The following DCLK2 variants were observed in gnomAD, a reference collection of about 807,000 sequenced individuals.
DCLK2 encodes the protein serine/threonine-protein kinase DCLK2.
Under a neutral mutation model 78.4 loss-of-function variants are expected in DCLK2, and 31 were observed. That is an observed-to-expected ratio of 0.40 (90% CI 0.30 to 0.53). The LOEUF (loss-of-function observed/expected upper bound fraction) is 0.53, where lower values mean the gene tolerates loss of function less well. Ranked by LOEUF, DCLK2 falls within the 20% of genes least tolerant of loss-of-function variation. The pLI, the probability that DCLK2 is intolerant of heterozygous loss-of-function variation, is 0.61. For synonymous variants in DCLK2, 407 were observed against 374.9 expected, an observed-to-expected ratio of 1.09 and a Z score of -0.99; for missense variants, 872 against 973.7, an observed-to-expected ratio of 0.90 and a Z score of 1.39.
chr4:150,192,341 G>A (rs1738514446), intron 2 of DCLK2, among the ~76,000 whole-genome samples: 1 of 151,978 alleles, frequency 6.6e-6, no homozygotes, highest in Admixed American at 6.6e-5. Flanking sequence ...TTAGCTGGGT[G>A]TGGTGGCATG....
At chr4:150,182,651 A>G (rs1348486525) in intron 2 of DCLK2, among the ~76,000 whole-genome samples, 2 of 152,140 alleles carry the variant, frequency 1.3e-5, no homozygotes, top group African/African-American at 4.8e-5. Context: ...ACTTATATGT[A>G]GTAGAATATT....
chr4:150,160,296 G>C (rs1735614043), intron 2 of DCLK2, among the ~76,000 whole-genome samples: 1 of 152,212 alleles, frequency 6.6e-6, no homozygotes, highest in South Asian at 2.1e-4. Flanking sequence ...GAGACTGCAA[G>C]TGTGAGCCAC....
At chr4:150,212,267 T>C (rs1420980407) in intron 5 of DCLK2, among the ~76,000 whole-genome samples, 1 of 152,204 alleles carries the variant, frequency 6.6e-6, no homozygotes, top group Non-Finnish European at 1.5e-5. Flanking sequence ...CTGCTGGTGG[T>C]GAAAGATTTT....
chr4:150,160,581 G>T (rs1735634677), intron 2 of DCLK2, among the ~76,000 whole-genome samples: 1 of 152,184 alleles, frequency 6.6e-6, no homozygotes, highest in Admixed American at 6.5e-5. Context: ...TGAGGAAATG[G>T]CAGTATTAAA....
At chr4:150,192,953 C>A (rs543586652) in intron 2 of DCLK2, among the ~76,000 whole-genome samples, 185 bp from the exon 3 acceptor site, 4 of 152,250 alleles carry the variant, frequency 2.6e-5, no homozygotes, top group African/African-American at 9.6e-5. Flanking sequence ...CTCTGTTGTT[C>A]TGAGGTTGAG....
intron 12 of DCLK2, among the ~76,000 whole-genome samples, chr4:150,240,688 AT>A (rs1351830544): frequency 6.6e-6 from 1 of 151,142 alleles, no homozygotes; most frequent in African/African-American, 2.4e-5. Context: ...AGCATGGCAC[AT>A]GTATACATAT....
At chr4:150,254,586 T>C in intron 15 of DCLK2, 1 of 398,042 alleles carries the variant, frequency 2.5e-6, no homozygotes, top group Non-Finnish European at 4.4e-6. Flanking sequence ...GCTGGCTCTC[T>C]GCTTCCCATG....
chr4:150,079,550 G>T, intron 1 of DCLK2, 102 bp downstream of exon 1: 4 of 1,201,704 alleles, frequency 3.3e-6, no homozygotes, highest in Non-Finnish European at 1.1e-6. Context: ...TTTCCAAGCC[G>T]CACGGGAATT....
At chr4:150,082,202 C>T (rs1457401659) in intron 1 of DCLK2, among the ~76,000 whole-genome samples, 2 of 152,106 alleles carry the variant, frequency 1.3e-5, no homozygotes, top group African/African-American at 4.8e-5. Context: ...TCAAAATTGA[C>T]TGCTTTATTT....
At chr4:150,159,441 G>T (rs570876144) in intron 2 of DCLK2, among the ~76,000 whole-genome samples, 179 of 152,302 alleles carry the variant, frequency 1.2e-3, no homozygotes, top group Non-Finnish European at 1.4e-3. Flanking sequence ...CCTAATCCCT[G>T]TCTCTCACCC....
chr4:150,135,430 A>C (rs1431049555), intron 2 of DCLK2, among the ~76,000 whole-genome samples: 1 of 152,198 alleles, frequency 6.6e-6, no homozygotes, highest in Non-Finnish European at 1.5e-5. Context: ...TATTTACTCA[A>C]ATATAATGAG....
intron 2 of DCLK2, among the ~76,000 whole-genome samples, chr4:150,185,713 CAA>C (rs10706869): frequency 0.072 from 10,231 of 141,284 alleles, 1,038 homozygotes; most frequent in African/African-American, 0.23. Context: ...GATTTCATCT[CAA>C]AAAAAAAAAA....
At chr4:150,185,039 G>C (rs1348421949) in intron 2 of DCLK2, among the ~76,000 whole-genome samples, 2 of 152,280 alleles carry the variant, frequency 1.3e-5, no homozygotes, top group South Asian at 4.1e-4. Context: ...TATATGCATT[G>C]TATTAGTTCC....
At chr4:150,173,157 A>G (rs1040113575) in intron 2 of DCLK2, among the ~76,000 whole-genome samples, 5 of 152,054 alleles carry the variant, frequency 3.3e-5, no homozygotes, top group Non-Finnish European at 5.9e-5. Flanking sequence ...TGTAACATGT[A>G]TGGGAGTTAG....
chr4:150,136,818 AT>A (rs1280545960), intron 2 of DCLK2, among the ~76,000 whole-genome samples: 1 of 152,086 alleles, frequency 6.6e-6, no homozygotes, highest in Non-Finnish European at 1.5e-5. Context: ...AGGGTACAGG[AT>A]TTTTTAAAAA....
At chr4:150,081,555 T>G (rs751538819) in intron 1 of DCLK2, among the ~76,000 whole-genome samples, 1 of 152,126 alleles carries the variant, frequency 6.6e-6, no homozygotes, top group Non-Finnish European at 1.5e-5. Context: ...TTTGAAGAAG[T>G]TTTTAATACA....
intron 3 of DCLK2, among the ~76,000 whole-genome samples, chr4:150,195,305 T>A (rs902827810): frequency 2.9e-4 from 1 of 3,506 alleles, no homozygotes; most frequent in South Asian, 6.9e-3. Context: ...ATATTATATA[T>A]TATATTATAT....
chr4:150,085,926 G>A (rs1014060775), intron 1 of DCLK2, among the ~76,000 whole-genome samples: 17 of 152,334 alleles, frequency 1.1e-4, no homozygotes, highest in Admixed American at 9.1e-4. Context: ...CTTGGGAAAT[G>A]CTTCTAGGGG....
intron 2 of DCLK2, among the ~76,000 whole-genome samples, chr4:150,146,974 T>C (rs1176629649): frequency 6.6e-6 from 1 of 151,892 alleles, no homozygotes; most frequent in Non-Finnish European, 1.5e-5. Flanking sequence ...GATAGAGTTT[T>C]CTGAGGGTCA....
Sources: allele counts gnomAD v4.1 joint callset (sites outside exome capture counted in the v4.1 genomes callset), GRCh38; gene constraint gnomAD v4.1.1; transcripts MANE v1.5; gene names NCBI Gene and HGNC (gene_info 2026-07-23, HGNC 2026-07-21).